Variants in KCNH7 observed in about 807,000 individuals in gnomAD.
KCNH7 encodes the protein potassium voltage-gated channel subfamily H member 7, also known as voltage-gated inwardly rectifying potassium channel KCNH7.
KCNH7 carries 49 observed loss-of-function variants against 120.8 expected under a neutral mutation model. The observed-to-expected ratio is 0.41, with a 90% CI of 0.32 to 0.51. The LOEUF (loss-of-function observed/expected upper bound fraction) is 0.51. Ranked by LOEUF, KCNH7 falls within the 20% of genes least tolerant of loss-of-function variation. KCNH7 has a pLI of 0.38. For missense variants in KCNH7, 1,097 were observed against 1,446.6 expected (o/e 0.76, Z 3.92); for synonymous variants, 547 against 516.1 (o/e 1.06, Z -0.81).
intron 2 of KCNH7, among the ~76,000 whole-genome samples, chr2:162,817,304 A>C (rs1320740474): frequency 6.6e-6 from 1 of 152,168 alleles, no homozygotes; most frequent in Non-Finnish European, 1.5e-5. Flanking sequence ...AGCTTTATGT[A>C]ATTAGAGATA....
chr2:162,708,543 T>G (rs186960909), intron 2 of KCNH7, among the ~76,000 whole-genome samples: 1 of 152,048 alleles, frequency 6.6e-6, no homozygotes, highest in Non-Finnish European at 1.5e-5. Context: ...AATTTTTTAC[T>G]GTGAGAAGAG....
chr2:162,501,986 A>C (rs1025259877), intron 6 of KCNH7: 2 of 152,102 alleles, frequency 1.3e-5, no homozygotes, highest in Non-Finnish European at 2.9e-5. Flanking sequence ...AAAGCTTTTG[A>C]TGGAAACTGT....
chr2:162,531,816 A>C (rs925813690), intron 3 of KCNH7, among the ~76,000 whole-genome samples: 6 of 152,000 alleles, frequency 3.9e-5, no homozygotes, highest in African/African-American at 1.4e-4. Context: ...TCATTTAGAC[A>C]TACCTAAGGA....
At chr2:162,805,729 C>CCATT (rs1684515553) in intron 2 of KCNH7, among the ~76,000 whole-genome samples, 1 of 152,130 alleles carries the variant, frequency 6.6e-6, no homozygotes, top group East Asian at 1.9e-4. Context: ...AATTCCACTA[C>CCATT]TGGATATCTA....
chr2:162,463,789 A>G (rs2105613587), intron 6 of KCNH7, among the ~76,000 whole-genome samples: 1 of 151,872 alleles, frequency 6.6e-6, no homozygotes, highest in South Asian at 2.1e-4. Context: ...AAATAATAAA[A>G]AAAAACAACT....
intron 3 of KCNH7, among the ~76,000 whole-genome samples, chr2:162,536,424 A>G (rs541907434): frequency 6.6e-6 from 1 of 151,974 alleles, no homozygotes; most frequent in African/African-American, 2.4e-5. Flanking sequence ...GAGAAAACGG[A>G]TTCTGACACG....
intron 2 of KCNH7, among the ~76,000 whole-genome samples, chr2:162,664,531 T>C (rs1685071021): frequency 6.6e-6 from 1 of 152,204 alleles, no homozygotes; most frequent in Non-Finnish European, 1.5e-5. Context: ...GAAGTTGGGA[T>C]GTGAATCTGA....
chr2:162,460,814 A>G (rs1169257003), intron 6 of KCNH7, among the ~76,000 whole-genome samples: 1 of 152,174 alleles, frequency 6.6e-6, no homozygotes, highest in Non-Finnish European at 1.5e-5. Flanking sequence ...CTTTCACTTT[A>G]CAGATGTGAA....
chr2:162,741,330 T>TGTTATTAATTATACATATTAATAAC, intron 2 of KCNH7, among the ~76,000 whole-genome samples: 2 of 148,184 alleles, frequency 1.3e-5, no homozygotes, highest in African/African-American at 5.1e-5. Flanking sequence ...ATTAATAACA[T>TGTTATTAATTATACATATTAATAAC]ATGTTATTAA....
At chr2:162,719,636 A>T (rs1687254241) in intron 2 of KCNH7, among the ~76,000 whole-genome samples, 1 of 151,976 alleles carries the variant, frequency 6.6e-6, no homozygotes, top group African/African-American at 2.4e-5. Flanking sequence ...TGGAGTGAAA[A>T]CCCTAATTTT....
chr2:162,557,844 G>A (rs908835923), intron 2 of KCNH7, among the ~76,000 whole-genome samples: 4 of 152,092 alleles, frequency 2.6e-5, no homozygotes, highest in African/African-American at 9.7e-5. Flanking sequence ...AAGAACAGAG[G>A]TATGCAGAAT....
At chr2:162,762,833 G>A (rs1037223723) in intron 2 of KCNH7, among the ~76,000 whole-genome samples, 9 of 151,946 alleles carry the variant, frequency 5.9e-5, no homozygotes, top group Non-Finnish European at 8.8e-5. Flanking sequence ...AACTGTAAAG[G>A]TATAGGTAAA....
intron 2 of KCNH7, among the ~76,000 whole-genome samples, chr2:162,587,845 T>G (rs1223582305): frequency 6.6e-6 from 1 of 152,106 alleles, no homozygotes; most frequent in Non-Finnish European, 1.5e-5. Context: ...CCAAATTCAT[T>G]TAGCTCTCTG....
intron 2 of KCNH7, among the ~76,000 whole-genome samples, chr2:162,627,563 A>C (rs1683603488): frequency 6.6e-6 from 1 of 152,208 alleles, no homozygotes; most frequent in Non-Finnish European, 1.5e-5. Context: ...CCATGGCTAA[A>C]TATTCTTGAA....
intron 2 of KCNH7, among the ~76,000 whole-genome samples, chr2:162,779,537 C>G (rs778300265): frequency 9.2e-5 from 14 of 152,114 alleles, no homozygotes; most frequent in Non-Finnish European, 2.1e-4. Flanking sequence ...CGCGTGCACA[C>G]AATATTATAC....
chr2:162,598,530 G>C (rs1303663875), intron 2 of KCNH7, among the ~76,000 whole-genome samples: 1 of 152,074 alleles, frequency 6.6e-6, no homozygotes, highest in Non-Finnish European at 1.5e-5. Flanking sequence ...AAACTAGCAT[G>C]TGGGATATGT....
chr2:162,627,770 G>T (rs1476476393), intron 2 of KCNH7, among the ~76,000 whole-genome samples: 1 of 152,116 alleles, frequency 6.6e-6, no homozygotes, highest in Non-Finnish European at 1.5e-5. Flanking sequence ...CTAATTGAAT[G>T]ATTGACATAG....
chr2:162,568,013 A>G (rs1484784976), intron 2 of KCNH7, among the ~76,000 whole-genome samples: 1 of 152,046 alleles, frequency 6.6e-6, no homozygotes, highest in Non-Finnish European at 1.5e-5. Context: ...GTAATTTATA[A>G]ATTAAAAAGT....
chr2:162,485,579 GGAAGA>G (rs553943174), intron 6 of KCNH7, among the ~76,000 whole-genome samples: 104 of 152,246 alleles, frequency 6.8e-4, no homozygotes, highest in Admixed American at 3.7e-3. Context: ...ATATAGGAAG[GGAAGA>G]GAAGTCTTTC....
Sources: gnomAD v4.1 joint callset for allele counts (sites outside exome capture counted in the v4.1 genomes callset) on GRCh38, gnomAD v4.1.1 for gene constraint, MANE v1.5 for transcripts, NCBI Gene and HGNC (gene_info 2026-07-23, HGNC 2026-07-21) for gene names.